The following CHRNA3 variants were observed in gnomAD, a reference collection of about 807,000 sequenced individuals.
CHRNA3 encodes the protein neuronal acetylcholine receptor subunit alpha-3.
Under a neutral mutation model 41.9 loss-of-function variants are expected in CHRNA3, and 34 were observed. The observed-to-expected ratio is 0.81, with a 90% CI of 0.62 to 1.08. The LOEUF (loss-of-function observed/expected upper bound fraction) is 1.08. Ranked by LOEUF, CHRNA3 falls within the 50% of genes least tolerant of loss-of-function variation. CHRNA3 has a pLI of 0.00. For missense variants in CHRNA3, 542 were observed against 638.3 expected (o/e 0.85, Z 1.63); for synonymous variants, 281 against 265.2 (o/e 1.06, Z -0.58).
At chr15:78,607,114 G>A (rs1466435872) in intron 4 of CHRNA3, among the ~76,000 whole-genome samples, 8 of 150,658 alleles carry the variant, frequency 5.3e-5, no homozygotes, top group South Asian at 2.1e-4. Flanking sequence ...CTGTAATCCC[G>A]GCTACTCAGG....
At chr15:78,606,459 AAAG>A (rs1209515315) in intron 4 of CHRNA3, among the ~76,000 whole-genome samples, 1 of 152,188 alleles carries the variant, frequency 6.6e-6, no homozygotes, top group African/African-American at 2.4e-5. Flanking sequence ...AATTAAATGA[AAAG>A]AAACTAAGAA....
At chr15:78,597,463 T>G (rs2053131693) in intron 5 of CHRNA3, among the ~76,000 whole-genome samples, 1 of 152,064 alleles carries the variant, frequency 6.6e-6, no homozygotes, top group Admixed American at 6.6e-5. Flanking sequence ...TTTTAACATC[T>G]GTTCCAAAAA....
At chr15:78,593,914 C>T (rs2053054710), downstream of CHRNA3, 1 of 152,218 alleles carries the variant, frequency 6.6e-6, no homozygotes, top group Admixed American at 6.6e-5. Flanking sequence ...TGGTGCACAC[C>T]TGTAATCCCA....
chr15:78,609,040 T>C (rs913110854), intron 4 of CHRNA3, among the ~76,000 whole-genome samples: 11 of 151,480 alleles, frequency 7.3e-5, no homozygotes, highest in African/African-American at 2.2e-4. Flanking sequence ...GAAAAAAGAA[T>C]AGAAATGACC....
At chr15:78,594,362 A>T (rs551250137), downstream of CHRNA3, 12 of 152,236 alleles carry the variant, frequency 7.9e-5, no homozygotes, top group African/African-American at 2.9e-4. Flanking sequence ...GTCCACTACA[A>T]TTACATGAAC....
At chr15:78,593,106 G>C (rs1327013276), downstream of CHRNA3, 3 of 1,604,836 alleles carry the variant, frequency 1.9e-6, no homozygotes, top group Non-Finnish European at 2.5e-6. Flanking sequence ...TTGAAGATTG[G>C]AAATTCATAG....
At chr15:78,614,293 C>A (rs1218532110) in intron 4 of CHRNA3, among the ~76,000 whole-genome samples, 1 of 152,132 alleles carries the variant, frequency 6.6e-6, no homozygotes, top group Non-Finnish European at 1.5e-5. Flanking sequence ...TACACCCTGC[C>A]CAGTTCCCTT....
chr15:78,607,240 T>G (rs1380599287), intron 4 of CHRNA3, among the ~76,000 whole-genome samples: 1 of 151,466 alleles, frequency 6.6e-6, no homozygotes, highest in Non-Finnish European at 1.5e-5. Context: ...AAAAAAGATT[T>G]TCATGGAAGA....
rs1596073611 is a variant in CHRNA3, at chr15:78,601,804, G to C, written c.838C>G (p.Leu280Val). 1.9e-6 allele frequency: 3 copies of C among 1,614,006 alleles called. No homozygotes were observed. Among genetic ancestry groups the C allele is most frequent in the Non-Finnish European group, 2.5e-6 (3 of 1,180,038 alleles). The part of the protein sequence containing the change: ...GEKVTLCISV[L>V]LSLTVFLLVI... ...AGGAGAAACACCGTCAGGGAGAGGA[G>C]GACAGAAATGCACAGGGTCACCTTC... The change falls in exon 5 of 6, where the codon CTC becomes GTC. Residue 280 changes from leucine (L) to valine (V), a missense_variant. Leu to Val is a conservative substitution (Grantham distance 32, BLOSUM62 1). Coordinates refer to ENST00000326828, the MANE Select transcript of CHRNA3 (RefSeq NM_000743.5).
At chr15:78,613,777 C>CAAAA (rs1412843868) in intron 4 of CHRNA3, among the ~76,000 whole-genome samples, 30 of 123,042 alleles carry the variant, frequency 2.4e-4, no homozygotes, top group East Asian at 9.0e-4. Context: ...AAAAAAAAAC[C>CAAAA]AAAAAAAACC....
chr15:78,603,552 A>G (rs578222625), intron 4 of CHRNA3, among the ~76,000 whole-genome samples: 1 of 152,338 alleles, frequency 6.6e-6, no homozygotes, highest in East Asian at 1.9e-4. Context: ...CTCCAAAGGG[A>G]GCAACTGCCA....
At position 78,601,916 on chromosome 15, in the gene CHRNA3, C is replaced by T. The variant is rs1182736726; in HGVS notation, c.726G>A (p.Leu242=). Residue 242 remains leucine, a synonymous_variant, in exon 5 of 6, where the codon TTG becomes TTA. Transcript: ENST00000326828. Reference sequence around the variant, plus strand: ...GGATGATGAGGTTGATGGTGTAGAACAAGGGCAGGCGCCGGATGTACAGCG... The same window carrying T: ...GGATGATGAGGTTGATGGTGTAGAATAAGGGCAGGCGCCGGATGTACAGCG... The part of the protein sequence containing the change: ...TYSLYIRRLP[L]FYTINLIIPC... 2 of 1,613,518 alleles carry T rather than the reference C, an allele frequency of 1.2e-6. No individual in the cohort carries two copies. The highest frequency in any genetic ancestry group is 1.3e-5 in the African/African-American group (1 of 74,864).
rs1008631017 is a variant in CHRNA3, at chr15:78,618,928, G to A, written c.83-13C>T. 2 of 1,612,416 alleles carry A rather than the reference G, an allele frequency of 1.2e-6. No homozygotes were observed. The highest frequency in any genetic ancestry group is 2.2e-5 in the East Asian group (1 of 44,874). ...GAGGCCCTGGCCACTGTGGGAAGCA[G>A]CCCTGTCAGTCCCTGGGGAAATCGT... On this transcript the variant is annotated splice_polypyrimidine_tract_variant and intron_variant, in intron 1 of 5. Transcript: ENST00000326828.
intron 5 of CHRNA3, among the ~76,000 whole-genome samples, chr15:78,598,556 G>A (rs1004265901): frequency 7.2e-5 from 11 of 151,940 alleles, no homozygotes; most frequent in Non-Finnish European, 1.5e-4. Flanking sequence ...CACTACACTT[G>A]GGCAATTTTT....
rs1190898099 is a variant in CHRNA3, at chr15:78,620,799, G to T, written c.-5C>A. On this transcript the variant is annotated 5_prime_UTR_variant, in exon 1 of 6. Coordinates refer to ENST00000326828, the MANE Select transcript of CHRNA3 (RefSeq NM_000743.5). ...CGAGAGCGGGCCAGAGCCCATGGCTGGTGGCCGGGCTGGCCGCGGACCCGG... is the reference window on the plus strand; with the variant it reads ...CGAGAGCGGGCCAGAGCCCATGGCTTGTGGCCGGGCTGGCCGCGGACCCGG... 7.0e-7 allele frequency: 1 copy of T among 1,429,480 alleles called. No homozygotes were observed. 88.5% of individuals were successfully genotyped at this position (1,429,480 alleles called of 1,614,324 possible).
chr15:78,613,492 T>C (rs2053412211), intron 4 of CHRNA3, among the ~76,000 whole-genome samples: 1 of 144,734 alleles, frequency 6.9e-6, no homozygotes, highest in Admixed American at 7.4e-5. Flanking sequence ...ACACCGCATG[T>C]TATCACTCAT....
Position 78,600,609 on chromosome 15 carries a change from C to G in CHRNA3, c.1389+644G>C, listed in dbSNP as rs74649513. On this transcript the variant is annotated intron_variant, in intron 5 of 5. Coordinates refer to ENST00000326828, the MANE Select transcript of CHRNA3 (RefSeq NM_000743.5). ...AGAAAGTAAAAATAAAGGCCAGGTG[C>G]GGTGGCTCATGCCTGTAGTCCCAGC... Among the ~76,000 whole-genome samples, 1,424 of 152,246 alleles carry G rather than the reference C, an allele frequency of 9.4e-3. 146 individuals carry two copies. In the East Asian group the frequency reaches 0.25, roughly 26 times the overall value.
chr15:78,613,687 T>A (rs2053417140), intron 4 of CHRNA3, among the ~76,000 whole-genome samples: 1 of 150,994 alleles, frequency 6.6e-6, no homozygotes, highest in African/African-American at 2.4e-5. Context: ...AACCTGCACA[T>A]TGTGCACATG....
downstream of CHRNA3, chr15:78,593,382 A>G (rs199932554): frequency 8.1e-5 from 68 of 842,798 alleles, no homozygotes; most frequent in Non-Finnish European, 1.0e-4. Context: ...TGCTAACCTC[A>G]ATTTATGTTA....
Sources: gnomAD v4.1 joint callset for allele counts (sites outside exome capture counted in the v4.1 genomes callset) on GRCh38, gnomAD v4.1.1 for gene constraint, MANE v1.5 for transcripts, NCBI Gene and HGNC (gene_info 2026-07-23, HGNC 2026-07-21) for gene names.